The following ADAM10 variants were observed in gnomAD, a reference collection of about 807,000 sequenced individuals.
ADAM10 encodes the protein disintegrin and metalloproteinase domain-containing protein 10.
In ADAM10, 17 loss-of-function variants were observed where a neutral mutation model predicts 90.1. The ratio of observed to expected loss-of-function variants is 0.19; its 90% CI spans 0.13 to 0.28. The LOEUF is 0.28. Ranked by LOEUF, ADAM10 falls within the 10% of genes least tolerant of loss-of-function variation. The pLI, the probability that ADAM10 is intolerant of heterozygous loss-of-function variation, is 1.00. For missense variants in ADAM10, 610 were observed against 914.3 expected (o/e 0.67, Z 4.29); for synonymous variants, 310 against 298.6 (o/e 1.04, Z -0.40).
chr15:58,749,442 T>C, intron 1 of ADAM10, 38 bp downstream of exon 1: 2 of 1,519,222 alleles, frequency 1.3e-6, no homozygotes, highest in Non-Finnish European at 1.8e-6. Context: ...CGCTCCGCCG[T>C]GGTCGCGGCG....
chr15:58,634,186 C>T (rs1245264029), intron 8 of ADAM10, among the ~76,000 whole-genome samples: 3 of 151,818 alleles, frequency 2.0e-5, no homozygotes, highest in East Asian at 1.9e-4. Flanking sequence ...TGGTGCACAC[C>T]TGTAATCCCA....
At position 58,707,850 on chromosome 15, in the gene ADAM10, G is replaced by A. The variant is rs577194418; in HGVS notation, c.206+9727C>T. 1.1e-3 allele frequency among the ~76,000 whole-genome samples: 164 copies of A among 152,284 alleles called. 2 individuals are homozygous for A. The highest frequency in any genetic ancestry group is 2.0e-3 in the Non-Finnish European group (135 of 68,010). The stretch of plus-strand genomic sequence containing the variant: ...CTAGCACTTTGGGAGCCCGAGGCAG[G>A]TGGATCACTTGAGGTCAGGAATTCA... On this transcript the variant is annotated intron_variant, in intron 2 of 15. Coordinates refer to ENST00000260408, the MANE Select transcript of ADAM10 (RefSeq NM_001110.4).
intron 4 of ADAM10, among the ~76,000 whole-genome samples, chr15:58,666,418 G>A (rs1371796079): frequency 6.6e-6 from 1 of 151,684 alleles, no homozygotes; most frequent in African/African-American, 2.4e-5. Flanking sequence ...ATAACCTCAA[G>A]CAGTTCCTTA....
chr15:58,712,849 G>A (rs537499490), intron 2 of ADAM10, among the ~76,000 whole-genome samples: 41 of 151,780 alleles, frequency 2.7e-4, no homozygotes, highest in Non-Finnish European at 4.6e-4. Context: ...AGACAGGAAC[G>A]GCAGGACAAC....
chr15:58,711,464 G>A (rs1369834419), intron 2 of ADAM10, among the ~76,000 whole-genome samples: 1 of 152,186 alleles, frequency 6.6e-6, no homozygotes, highest in African/African-American at 2.4e-5. Context: ...TAGATTTCAT[G>A]TCAAGTCAGA....
chr15:58,623,421 G>T (rs1895846753), intron 10 of ADAM10, among the ~76,000 whole-genome samples: 1 of 152,150 alleles, frequency 6.6e-6, no homozygotes, highest in Non-Finnish European at 1.5e-5. Flanking sequence ...AAAGCAGAAA[G>T]TTCATTCTTA....
intron 15 of ADAM10, 40 bp from the exon 16 acceptor site, chr15:58,597,681 A>G (rs1303529174): frequency 3.1e-6 from 5 of 1,609,570 alleles, no homozygotes; most frequent in East Asian, 2.2e-5. Flanking sequence ...TTTATTTATC[A>G]TGAGCTTTTT....
rs566348701 is a variant in ADAM10, at chr15:58,726,402, T to A, written c.56-8675A>T. Among the ~76,000 whole-genome samples the A allele has an allele frequency of 4.0e-5, 6 of 151,380 alleles. No homozygotes were observed. In the South Asian group the frequency reaches 1.3e-3, roughly 32 times the overall value. On this transcript the variant is annotated intron_variant, in intron 1 of 15. Transcript: ENST00000260408. ...CAACATGGTGAAACCCCATCTCTAC[T>A]AAAAATACAAAAATTAATGGGGCAT...
intron 8 of ADAM10, among the ~76,000 whole-genome samples, chr15:58,639,332 A>T (rs1596017633): frequency 6.6e-6 from 1 of 152,212 alleles, no homozygotes; most frequent in East Asian, 1.9e-4. Flanking sequence ...CATGGATCAC[A>T]CTTGGAGAAC....
Position 58,676,222 on chromosome 15 carries a change from A to C in ADAM10, c.484+2902T>G, listed in dbSNP as rs1897299930. The stretch of plus-strand genomic sequence containing the variant: ...CTTTCTTCCATGAGTGAAGCAGAAG[A>C]GCACAGGGTAAAGAACAGGAGGTCC... On this transcript the variant is annotated intron_variant, in intron 4 of 15. Coordinates refer to ENST00000260408, the MANE Select transcript of ADAM10 (RefSeq NM_001110.4). 6 of 445,902 alleles carry C rather than the reference A, an allele frequency of 1.3e-5. No homozygotes were observed. In the Admixed American group the frequency reaches 1.5e-4, roughly 11 times the overall value. 27.6% of individuals were successfully genotyped at this position (445,902 alleles called of 1,614,324 possible). A position where few individuals can be genotyped will look rare whatever the true frequency, so the allele number is the denominator to read the frequency against.
intron 2 of ADAM10, among the ~76,000 whole-genome samples, chr15:58,693,743 T>A (rs1260951178): frequency 7.0e-6 from 1 of 142,140 alleles, no homozygotes; most frequent in Admixed American, 7.1e-5. Context: ...ATTCAAAACT[T>A]CCGCTGAGAA....
At chr15:58,614,128 GA>G (rs1895533463) in intron 11 of ADAM10, among the ~76,000 whole-genome samples, 1 of 151,744 alleles carries the variant, frequency 6.6e-6, no homozygotes, top group African/African-American at 2.4e-5. Flanking sequence ...CTAAAAATAC[GA>G]AAAAAACTAG....
chr15:58,636,276 C>CA (rs1188741361), intron 8 of ADAM10, among the ~76,000 whole-genome samples: 8,322 of 83,322 alleles, frequency 0.1, 622 homozygotes, highest in African/African-American at 0.26. Context: ...GACTTCGTTT[C>CA]AAAAAAAAAA....
At chr15:58,695,942 C>G (rs1368477332) in intron 2 of ADAM10, among the ~76,000 whole-genome samples, 2 of 152,126 alleles carry the variant, frequency 1.3e-5, no homozygotes, top group South Asian at 2.1e-4. Context: ...CATGGTGAAA[C>G]CCCATCTCTA....
At chr15:58,729,407 G>C (rs1899148751) in intron 1 of ADAM10, among the ~76,000 whole-genome samples, 1 of 152,132 alleles carries the variant, frequency 6.6e-6, no homozygotes, top group Non-Finnish European at 1.5e-5. Context: ...GCGACTAACA[G>C]CATAGGTATC....
chr15:58,590,429 G>A lies in ADAM10; in HGVS notation c.*7118C>T, dbSNP rs1266042073. The A allele has an allele frequency of 3.3e-5, 5 of 152,210 alleles. No individual in the cohort carries two copies. The highest frequency in any genetic ancestry group is 1.2e-4 in the African/African-American group (5 of 41,450). 9.4% of individuals were successfully genotyped at this position (152,210 alleles called of 1,614,324 possible). On this transcript the variant is annotated 3_prime_UTR_variant, in exon 16 of 16. Coordinates refer to ENST00000260408, the MANE Select transcript of ADAM10 (RefSeq NM_001110.4). ...CTAGCCAAGGCCCTGGCACAATCAA[G>A]TGCCTAAGAAGTATCTGTGAGTAAG...
intron 2 of ADAM10, among the ~76,000 whole-genome samples, chr15:58,696,213 G>A (rs1430685958): frequency 6.6e-6 from 1 of 151,988 alleles, no homozygotes; most frequent in Non-Finnish European, 1.5e-5. Flanking sequence ...CCTGAGCCCG[G>A]GAGGCAGAGG....
intron 8 of ADAM10, among the ~76,000 whole-genome samples, chr15:58,638,320 G>T (rs892646501): frequency 1.3e-5 from 2 of 152,096 alleles, no homozygotes; most frequent in African/African-American, 4.8e-5. Flanking sequence ...CCATATTTTT[G>T]CTCATGAAGT....
At position 58,595,752 on chromosome 15, in the gene ADAM10, G is replaced by A. The variant is rs1209743274; in HGVS notation, c.*1795C>T. 3 of 152,076 alleles carry A rather than the reference G, an allele frequency of 2.0e-5. No homozygotes were observed. The East Asian group carries it at 5.8e-4, about 29-fold the overall frequency. 9.4% of individuals were successfully genotyped at this position (152,076 alleles called of 1,614,324 possible). ...ATGTTCCAAAGTCTACCACACTCAAGAAGTTACTAAGAACTCTTGCAGAAT... is the reference window on the plus strand; with the variant it reads ...ATGTTCCAAAGTCTACCACACTCAAAAAGTTACTAAGAACTCTTGCAGAAT... On this transcript the variant is annotated 3_prime_UTR_variant, in exon 16 of 16. Coordinates refer to ENST00000260408, the MANE Select transcript of ADAM10 (RefSeq NM_001110.4).
Sources: allele counts gnomAD v4.1 joint callset (sites outside exome capture counted in the v4.1 genomes callset), GRCh38; gene constraint gnomAD v4.1.1; transcripts MANE v1.5; gene names NCBI Gene and HGNC (gene_info 2026-07-23, HGNC 2026-07-21).